SNTG1: variants seen among roughly 807,000 people sequenced by gnomAD.
SNTG1 encodes the protein gamma-1-syntrophin.
Under a neutral mutation model 74.7 loss-of-function variants are expected in SNTG1, and 39 were observed. The observed-to-expected ratio is 0.52, with a 90% CI of 0.40 to 0.68. SNTG1 has a LOEUF of 0.68. Ranked by LOEUF, SNTG1 falls within the 30% of genes least tolerant of loss-of-function variation. The pLI is 0.00. For missense variants in SNTG1, 685 were observed against 609.5 expected, an observed-to-expected ratio of 1.12 and a Z score of -1.30; for synonymous variants, 254 against 217.1, an observed-to-expected ratio of 1.17 and a Z score of -1.49.
chr8:50,698,075 T>G (rs1393631146), intron 15 of SNTG1, among the ~76,000 whole-genome samples: 1 of 152,154 alleles, frequency 6.6e-6, no homozygotes, highest in Non-Finnish European at 1.5e-5. Flanking sequence ...ATTTTCTTTG[T>G]TGGGAGACTT....
At chr8:50,210,965 A>C (rs565705924) in intron 2 of SNTG1, among the ~76,000 whole-genome samples, 1 of 152,244 alleles carries the variant, frequency 6.6e-6, no homozygotes, top group Non-Finnish European at 1.5e-5. Context: ...TTGTAGTGCA[A>C]AATACCCCTG....
chr8:50,364,809 G>A (rs1206606109), intron 2 of SNTG1, among the ~76,000 whole-genome samples: 1 of 151,614 alleles, frequency 6.6e-6, no homozygotes, highest in African/African-American at 2.4e-5. Context: ...CTTTTTTATT[G>A]CAGTAATCAT....
chr8:50,741,396 A>T (rs1402584384), intron 17 of SNTG1, among the ~76,000 whole-genome samples: 1 of 152,066 alleles, frequency 6.6e-6, no homozygotes, highest in African/African-American at 2.4e-5. Context: ...TGTTGGGATT[A>T]CAGGCACGAG....
chr8:50,484,153 C>CTTCTTTCT (rs1563453629), intron 8 of SNTG1, among the ~76,000 whole-genome samples: 1,575 of 32,786 alleles, frequency 0.048, 23 homozygotes, highest in South Asian at 0.11. Flanking sequence ...TCTTTCTTTC[C>CTTCTTTCT]TTCCTTCCTT....
chr8:50,102,878 G>A (rs914970776), intron 1 of SNTG1, among the ~76,000 whole-genome samples: 34 of 147,440 alleles, frequency 2.3e-4, no homozygotes, highest in East Asian at 1.6e-3. Flanking sequence ...GTAGATATGC[G>A]GCGTTATTTC....
intron 1 of SNTG1, among the ~76,000 whole-genome samples, chr8:49,934,410 G>A (rs1807877248): frequency 6.6e-6 from 1 of 151,958 alleles, no homozygotes. Context: ...TTCTTTGAGA[G>A]AAAATATAAT....
chr8:50,223,689 T>C (rs935046527), intron 2 of SNTG1, among the ~76,000 whole-genome samples: 3 of 152,122 alleles, frequency 2.0e-5, no homozygotes, highest in Non-Finnish European at 4.4e-5. Context: ...TTCAAAAGGC[T>C]GTCTCTACAT....
chr8:50,748,531 A>G (rs1035501264), intron 17 of SNTG1, among the ~76,000 whole-genome samples: 11 of 152,014 alleles, frequency 7.2e-5, no homozygotes. Context: ...ATTTACAGGC[A>G]TACCTCATTT....
At chr8:50,067,760 C>T (rs1000638) in intron 1 of SNTG1, among the ~76,000 whole-genome samples, 36,956 of 151,984 alleles carry the variant, frequency 0.24, 4,611 homozygotes, top group South Asian at 0.38. Context: ...GTAGATGCTG[C>T]TTCCAGATTC....
intron 2 of SNTG1, among the ~76,000 whole-genome samples, chr8:50,203,114 G>T (rs1391688695): frequency 6.6e-6 from 1 of 151,646 alleles, no homozygotes; most frequent in Non-Finnish European, 1.5e-5. Flanking sequence ...TTCCATTTCA[G>T]TTGGGAAGTT....
intron 15 of SNTG1, among the ~76,000 whole-genome samples, chr8:50,671,716 A>G (rs2095283843): frequency 6.6e-6 from 1 of 151,770 alleles, no homozygotes; most frequent in African/African-American, 2.4e-5. Flanking sequence ...AGGACTATAA[A>G]TCATGCTGCT....
At chr8:50,710,132 C>T (rs756361194) in intron 17 of SNTG1, among the ~76,000 whole-genome samples, 7 of 152,102 alleles carry the variant, frequency 4.6e-5, no homozygotes, top group Admixed American at 4.6e-4. Context: ...CCTGCAAAAT[C>T]TCACATTACT....
At chr8:50,756,166 A>G (rs919937293) in intron 18 of SNTG1, among the ~76,000 whole-genome samples, 1 of 151,782 alleles carries the variant, frequency 6.6e-6, no homozygotes, top group Non-Finnish European at 1.5e-5. Context: ...TTTATCTGCT[A>G]TGTTGTCTGC....
At chr8:50,666,285 G>T (rs1321932338) in intron 15 of SNTG1, among the ~76,000 whole-genome samples, 2 of 152,046 alleles carry the variant, frequency 1.3e-5, no homozygotes, top group Non-Finnish European at 2.9e-5. Context: ...AAAGATCAAG[G>T]CATTTTTCTC....
intron 11 of SNTG1, among the ~76,000 whole-genome samples, chr8:50,551,468 T>A (rs2094426233): frequency 6.6e-6 from 1 of 152,234 alleles, no homozygotes; most frequent in East Asian, 1.9e-4. Context: ...AAGACAAATA[T>A]GATCAAGATA....
At chr8:50,318,195 G>A (rs1008209528) in intron 2 of SNTG1, among the ~76,000 whole-genome samples, 14 of 151,984 alleles carry the variant, frequency 9.2e-5, no homozygotes, top group Admixed American at 2.6e-4. Flanking sequence ...TTGAGAGTAG[G>A]AACTGTCTCA....
At chr8:50,220,201 A>G (rs927275728) in intron 2 of SNTG1, among the ~76,000 whole-genome samples, 3 of 152,136 alleles carry the variant, frequency 2.0e-5, no homozygotes, top group African/African-American at 7.2e-5. Flanking sequence ...ATGAAATATG[A>G]AGATAGAAGC....
intron 2 of SNTG1, among the ~76,000 whole-genome samples, chr8:50,245,008 T>C (rs1173402274): frequency 1.3e-5 from 2 of 152,212 alleles, no homozygotes; most frequent in Non-Finnish European, 2.9e-5. Context: ...TTTTTTTCCA[T>C]TATCATTCTT....
chr8:50,450,866 CTT>C lies in SNTG1; in HGVS notation c.363+138_363+139del, dbSNP rs2093450336. 8.4e-6 allele frequency: 7 copies of C among 833,368 alleles called. No individual in the cohort carries two copies. The East Asian group carries it at 1.9e-4, about 23-fold the overall frequency. 51.6% of individuals were successfully genotyped at this position (833,368 alleles called of 1,614,324 possible). On this transcript the variant is annotated intron_variant, in intron 8 of 18. Transcript: ENST00000642720. Reference sequence around the variant, plus strand: ...TTGATATCAAATTTTCAAATGTTCTCTTAATTTTTTTTTAAATTAGAAATAGA... The same window carrying C: ...TTGATATCAAATTTTCAAATGTTCTCAATTTTTTTTTAAATTAGAAATAGA...
Sources: gnomAD v4.1 joint callset for allele counts (sites outside exome capture counted in the v4.1 genomes callset) on GRCh38, gnomAD v4.1.1 for gene constraint, MANE v1.5 for transcripts, NCBI Gene and HGNC (gene_info 2026-07-23, HGNC 2026-07-21) for gene names.